Variants in SLC35F3 observed in about 807,000 individuals in gnomAD.
SLC35F3 encodes the protein putative thiamine transporter SLC35F3.
A neutral mutation model predicts 49.9 loss-of-function variants in SLC35F3; 25 were observed. The observed-to-expected ratio is 0.50, with a 90% confidence interval of 0.37 to 0.70. The LOEUF (loss-of-function observed/expected upper bound fraction) is 0.70, where lower values mean the gene tolerates loss of function less well. SLC35F3 is among the 30% of genes least tolerant of loss of function. The pLI is 0.00. For synonymous variants in SLC35F3, 275 were observed against 265.4 expected, an observed-to-expected ratio of 1.04 and a Z score of -0.35; for missense variants, 525 against 639.8, an observed-to-expected ratio of 0.82 and a Z score of 1.94.
At chr1:234,306,630 G>A (rs674385) in intron 3 of SLC35F3, 95,083 of 151,986 alleles carry the variant, frequency 0.63, 29,841 homozygotes, top group Middle Eastern at 0.8. Flanking sequence ...TGGCCATGAG[G>A]CCTTAAAGGG....
intron 2 of SLC35F3, among the ~76,000 whole-genome samples, chr1:233,955,558 T>C (rs1303829864): frequency 1.3e-5 from 2 of 152,136 alleles, no homozygotes; most frequent in Non-Finnish European, 2.9e-5. Context: ...GGATGATGTG[T>C]GTGAAGTGGG....
At chr1:234,322,362 T>C (rs1015928227) in intron 7 of SLC35F3, among the ~76,000 whole-genome samples, 1 of 152,182 alleles carries the variant, frequency 6.6e-6, no homozygotes, top group African/African-American at 2.4e-5. Flanking sequence ...GATTCACATA[T>C]GTTGTATGTG....
chr1:234,028,298 G>A (rs1163599016), intron 2 of SLC35F3, among the ~76,000 whole-genome samples: 2 of 152,178 alleles, frequency 1.3e-5, no homozygotes, highest in Admixed American at 6.5e-5. Flanking sequence ...GCCACTGTGT[G>A]GTCTACGTAG....
At chr1:233,997,738 T>C (rs1373250347) in intron 2 of SLC35F3, among the ~76,000 whole-genome samples, 1 of 152,072 alleles carries the variant, frequency 6.6e-6, no homozygotes, top group Non-Finnish European at 1.5e-5. Flanking sequence ...ACTGCTAACA[T>C]GTTCATATTT....
intron 2 of SLC35F3, among the ~76,000 whole-genome samples, chr1:234,043,252 G>A (rs2102854141): frequency 6.6e-6 from 1 of 152,024 alleles, no homozygotes; most frequent in East Asian, 1.9e-4. Context: ...AAACATTTTG[G>A]TCTCAGAATC....
chr1:233,915,917 G>T (rs1418685403), intron 2 of SLC35F3, among the ~76,000 whole-genome samples: 2 of 152,304 alleles, frequency 1.3e-5, no homozygotes, highest in Middle Eastern at 3.4e-3. Context: ...CCCACAACAT[G>T]TGGGAATTCA....
At chr1:234,104,493 CA>C (rs1372757153) in intron 2 of SLC35F3, among the ~76,000 whole-genome samples, 1 of 152,038 alleles carries the variant, frequency 6.6e-6, no homozygotes, top group Non-Finnish European at 1.5e-5. Flanking sequence ...TGACAACAGC[CA>C]ATTACAAGTC....
chr1:233,984,534 G>A (rs1264542897), intron 2 of SLC35F3, among the ~76,000 whole-genome samples: 5 of 152,248 alleles, frequency 3.3e-5, no homozygotes, highest in Admixed American at 6.5e-5. Context: ...GCTCTGGCCT[G>A]AAAGAGCGGA....
At chr1:233,947,882 C>G (rs560413331) in intron 2 of SLC35F3, among the ~76,000 whole-genome samples, 1 of 149,022 alleles carries the variant, frequency 6.7e-6, no homozygotes, top group Admixed American at 6.7e-5. Context: ...TGTTCTTCCT[C>G]CAGCCCCATC....
intron 3 of SLC35F3, among the ~76,000 whole-genome samples, chr1:234,267,507 G>T (rs1177465060): frequency 6.8e-6 from 1 of 146,502 alleles, no homozygotes; most frequent in Non-Finnish European, 1.5e-5. Context: ...CGGGCGGGGG[G>T]CTGACCCCCC....
Position 234,134,587 on chromosome 1 carries a change from T to C in SLC35F3, c.284-96830T>C, listed in dbSNP as rs140347840. Among the ~76,000 whole-genome samples, 422 of 152,030 alleles carry C rather than the reference T, an allele frequency of 2.8e-3. 1 individual carries two copies. The highest frequency in any genetic ancestry group is 9.7e-3 in the African/African-American group (404 of 41,536). ...AAAACTGGATAAAAGGACAGAGTTT[T>C]AGGCCTCAGTCTCAACCCTGCCTGC... On this transcript the variant is annotated intron_variant, in intron 2 of 7. Coordinates refer to ENST00000366618, the MANE Select transcript of SLC35F3 (RefSeq NM_173508.4).
chr1:233,905,404 G>A, intron 1 of SLC35F3, 125 bp from the exon 2 acceptor site: 1 of 777,378 alleles, frequency 1.3e-6, no homozygotes, highest in South Asian at 1.8e-5. Context: ...CTGCCGCGGC[G>A]CTCGCCCCCG....
intron 2 of SLC35F3, among the ~76,000 whole-genome samples, chr1:234,077,582 G>A (rs1431325610): frequency 2.0e-5 from 3 of 152,200 alleles, no homozygotes; most frequent in African/African-American, 7.2e-5. Context: ...TACAATTCAA[G>A]ATAAGATTTG....
intron 2 of SLC35F3, among the ~76,000 whole-genome samples, chr1:234,169,240 A>G (rs1444828233): frequency 1.3e-5 from 2 of 152,148 alleles, no homozygotes; most frequent in African/African-American, 2.4e-5. Context: ...TACTCAGCCT[A>G]CTGTTTGAAA....
chr1:234,318,419 C>T (rs1188710100), intron 5 of SLC35F3, among the ~76,000 whole-genome samples: 1 of 152,190 alleles, frequency 6.6e-6, no homozygotes, highest in African/African-American at 2.4e-5. Context: ...AGGATCCCTT[C>T]CAGGGGTCTC....
In SLC35F3 at chr1:233,956,516, C is replaced by T. The variant is rs543266901; in HGVS notation, c.283+50758C>T. Among the ~76,000 whole-genome samples the T allele has an allele frequency of 1.1e-4, 16 of 152,336 alleles. No homozygotes were observed. The South Asian group carries it at 3.1e-3, about 30-fold the overall frequency. On this transcript the variant is annotated intron_variant, in intron 2 of 7. Coordinates refer to ENST00000366618, the MANE Select transcript of SLC35F3 (RefSeq NM_173508.4). ...TATGCTGAGACTTTTTCTCCCCTCT[C>T]CCTGGTTCTTTCTTCTTCCCCTATG...
At chr1:233,966,628 C>T (rs185377103) in intron 2 of SLC35F3, among the ~76,000 whole-genome samples, 5 of 152,106 alleles carry the variant, frequency 3.3e-5, no homozygotes, top group African/African-American at 9.6e-5. Flanking sequence ...TTATAAAGAT[C>T]CTATTAAAAA....
At chr1:234,228,683 T>G (rs968327100) in intron 2 of SLC35F3, among the ~76,000 whole-genome samples, 4 of 152,048 alleles carry the variant, frequency 2.6e-5, no homozygotes, top group Non-Finnish European at 2.9e-5. Flanking sequence ...TGTGTGTGTG[T>G]GGGTTTGTGT....
rs1026810999 is a variant in SLC35F3 at position 234,231,361 on chromosome 1, G to A, written c.284-56G>A. ...CAATGGCTGCAGGGCAGCGCCCTGC[G>A]AAGTGCAGGGGTGAAGGTCTGCAGG... is the stretch of plus-strand genomic sequence containing the variant. On this transcript the variant is annotated intron_variant, in intron 2 of 7. Transcript: ENST00000366618. This position sits in a 1 kb window ranked among gnomAD's most constrained non-coding sequence, Gnocchi z 5.4. 1.5e-6 allele frequency: 2 copies of A among 1,356,626 alleles called. No homozygotes were observed. Among genetic ancestry groups the A allele is most frequent in the Admixed American group, 2.8e-5 (1 of 35,496 alleles). The allele number at this position is 1,356,626 out of a possible 1,614,324, so 84.0% of individuals were successfully genotyped here. A position where few individuals can be genotyped will look rare whatever the true frequency, so the allele number is the denominator to read the frequency against.
Sources: allele counts gnomAD v4.1 joint callset (sites outside exome capture counted in the v4.1 genomes callset), GRCh38; gene constraint gnomAD v4.1.1; non-coding constraint Gnocchi (gnomAD v3.1); transcripts MANE v1.5; gene names NCBI Gene and HGNC (gene_info 2026-07-23, HGNC 2026-07-21).